FAT1: variants seen among roughly 807,000 people sequenced by gnomAD.
The protein encoded by FAT1 is FAT atypical cadherin 1.
A neutral mutation model predicts 329.8 loss-of-function variants in FAT1; 171 were observed. The observed-to-expected ratio is 0.52, with a 90% CI of 0.46 to 0.59. The LOEUF (loss-of-function observed/expected upper bound fraction) is 0.59. FAT1 is among the 20% of genes least tolerant of loss of function. FAT1 has a pLI of 0.00. For synonymous variants in FAT1, 2,233 were observed against 2,228.6 expected, an observed-to-expected ratio of 1.00 and a Z score of -0.06; for missense variants, 5,672 against 5,774.4, an observed-to-expected ratio of 0.98 and a Z score of 0.57.
rs770255321 is a variant in FAT1, at chr4:186,708,934, G to C, written c.894C>G (p.Asp298Glu). The stretch of plus-strand genomic sequence containing the variant: ...TCACTGTTCTAAACTGCTGGAGAAG[G>C]TCACCTGCCACGATGCTTAAAGATG... ...DIASLSIVAG[D>E]LLQQFRTVRS... Residue 298 changes from aspartate to glutamate, a missense_variant, in exon 2 of 27, where the codon GAC becomes GAG. Asp to Glu is a conservative substitution (Grantham distance 45). Transcript: ENST00000441802. The C allele has an allele frequency of 2.5e-6, 4 of 1,613,840 alleles. No homozygotes were observed. The African/African-American group carries it at 5.3e-5, about 22-fold the overall frequency.
intron 3 of FAT1, among the ~76,000 whole-genome samples, chr4:186,655,646 T>G (rs1741868560): frequency 6.6e-6 from 1 of 152,056 alleles, no homozygotes; most frequent in Admixed American, 6.5e-5. Context: ...TTGGCCAAGC[T>G]GGTCTCGAAC....
At chr4:186,683,241 A>T (rs9790767) in intron 2 of FAT1, among the ~76,000 whole-genome samples, 3,586 of 152,278 alleles carry the variant, frequency 0.024, 173 homozygotes, top group East Asian at 0.16. Context: ...TTTCCTCCAC[A>T]GCACCGCTCA....
At chr4:186,673,122 A>C (rs1742808353) in intron 2 of FAT1, among the ~76,000 whole-genome samples, 1 of 152,204 alleles carries the variant, frequency 6.6e-6, no homozygotes, top group South Asian at 2.1e-4. Flanking sequence ...GTTCAGAAAA[A>C]TTTTTTAAAC....
At position 186,604,723 on chromosome 4, in the gene FAT1, C is replaced by T. The variant is rs147069394; in HGVS notation, c.10351-149G>A. 3.1e-3 allele frequency: 1,664 copies of T among 535,142 alleles called. 38 individuals are homozygous for T. In the East Asian group the frequency reaches 0.045, roughly 15 times the overall value. 33.1% of individuals were successfully genotyped at this position (535,142 alleles called of 1,614,324 possible). On this transcript the variant is annotated intron_variant, in intron 17 of 26. Transcript: ENST00000441802. The stretch of plus-strand genomic sequence containing the variant: ...GAAAGGAAGAGAAGAAAGGTGGAGA[C>T]GGGAGTGTGGTGGTGAGGAGGAGGG...
intron 1 of FAT1, among the ~76,000 whole-genome samples, chr4:186,711,365 T>A (rs752890746): frequency 6.6e-6 from 1 of 152,198 alleles, no homozygotes; most frequent in African/African-American, 2.4e-5. Context: ...TTTTGGCTTC[T>A]AGGAGAACAA....
In FAT1 at chr4:186,679,717, C is replaced by G. The variant is rs907574894; in HGVS notation, c.3266-16104G>C. ...GGGTTCAAAAGGAAAAGCATGTTAT[C>G]AAGTCTACAGTTTAGAAGATGATTT... On this transcript the variant is annotated intron_variant, in intron 2 of 26. Coordinates refer to ENST00000441802, the MANE Select transcript of FAT1 (RefSeq NM_005245.4). Among the ~76,000 whole-genome samples the G allele has an allele frequency of 5.3e-5, 8 of 151,926 alleles. No homozygotes were observed. In the South Asian group the frequency reaches 8.3e-4, roughly 16 times the overall value.
At position 186,589,094 on chromosome 4, in the gene FAT1, G is replaced by A. The variant is rs1409256573; in HGVS notation, c.13265C>T (p.Thr4422Met). The change falls in exon 27 of 27, where the codon ACG becomes ATG. Residue 4422 changes from threonine to methionine, a missense_variant. Coordinates refer to ENST00000441802, the MANE Select transcript of FAT1 (RefSeq NM_005245.4). ...GTCGTAGCCTCCAGGGTAATAGTCC[G>A]TATCGATGGCGTTTGGATCTGCTGA... The part of the protein sequence containing the change: ...LYSADPNAID[T>M]DYYPGGYDIE... 13 of 1,613,954 alleles carry A rather than the reference G, an allele frequency of 8.1e-6. No homozygotes were observed. The highest frequency in any genetic ancestry group is 1.7e-5 in the Admixed American group (1 of 60,022).
chr4:186,659,070 A>AT (rs1178288370), intron 3 of FAT1, among the ~76,000 whole-genome samples: 7 of 152,302 alleles, frequency 4.6e-5, no homozygotes, highest in African/African-American at 1.4e-4. Context: ...TTAATACCAC[A>AT]TTTTTACTGC....
chr4:186,706,214 G>T (rs1231094993), intron 2 of FAT1, among the ~76,000 whole-genome samples: 2 of 152,172 alleles, frequency 1.3e-5, no homozygotes, highest in South Asian at 2.1e-4. Context: ...AAAAAAGTTG[G>T]AAAGACTTCT....
intron 3 of FAT1, among the ~76,000 whole-genome samples, chr4:186,648,195 G>T (rs754078412): frequency 6.6e-6 from 1 of 152,124 alleles, no homozygotes; most frequent in Non-Finnish European, 1.5e-5. Flanking sequence ...AGAGAGGAGG[G>T]AAGAGAGGAG....
chr4:186,698,444 G>C (rs1358736646), intron 2 of FAT1, among the ~76,000 whole-genome samples: 1 of 152,248 alleles, frequency 6.6e-6, no homozygotes, highest in Non-Finnish European at 1.5e-5. Context: ...TGACAATCTA[G>C]AGGAAAGGCG....
chr4:186,716,793 T>C (rs556938678), intron 1 of FAT1, among the ~76,000 whole-genome samples: 1 of 152,268 alleles, frequency 6.6e-6, no homozygotes, highest in African/African-American at 2.4e-5. Context: ...TTTGTTTGTT[T>C]GTTTGTTTTG....
chr4:186,626,719 A>G (rs80055485), intron 9 of FAT1, among the ~76,000 whole-genome samples: 84 of 140,180 alleles, frequency 6.0e-4, no homozygotes, highest in East Asian at 3.5e-3. Flanking sequence ...CAGCCCACAG[A>G]ATGAATGAAT....
chr4:186,704,169 T>TC (rs1744465965), intron 2 of FAT1, among the ~76,000 whole-genome samples: 1 of 152,220 alleles, frequency 6.6e-6, no homozygotes, highest in Non-Finnish European at 1.5e-5. Flanking sequence ...AGCTTCTCTC[T>TC]CACCTTTAAA....
intron 22 of FAT1, among the ~76,000 whole-genome samples, chr4:186,599,011 G>A (rs908745850): frequency 1.3e-5 from 2 of 152,158 alleles, no homozygotes; most frequent in Non-Finnish European, 2.9e-5. Context: ...TAGGAGCCAG[G>A]GCACAGCTGC....
chr4:186,666,920 C>G (rs1742467972), intron 2 of FAT1, among the ~76,000 whole-genome samples: 1 of 152,152 alleles, frequency 6.6e-6, no homozygotes, highest in Non-Finnish European at 1.5e-5. Flanking sequence ...ATCTTCAGCG[C>G]CAGCAATATC....
At position 186,606,138 on chromosome 4, in the gene FAT1, T is replaced by C; in HGVS notation, c.10282A>G (p.Ile3428Val). Residue 3428 changes from isoleucine (I) to valine (V), a missense_variant, in exon 17 of 27, where the codon ATC (isoleucine) becomes GTC (valine). Ile to Val is a conservative substitution (Grantham distance 29). This residue lies in a region of FAT1 where 1,706 missense variants were observed against 1,859.1 expected (regional missense o/e 0.92). Coordinates refer to ENST00000441802, the MANE Select transcript of FAT1 (RefSeq NM_005245.4). The stretch of plus-strand genomic sequence containing the variant: ...TTGTCATTGACATCGGACACATCGA[T>C]GTTCACGGTCGTCGTGTTGACTCTG... The part of the protein sequence containing the change: ...PPRVNTTTVN[I>V]DVSDVNDNAP... The C allele has an allele frequency of 6.2e-7, 1 of 1,613,482 alleles. No homozygotes were observed. The highest frequency in any genetic ancestry group is 1.1e-5 in the South Asian group (1 of 90,938).
At chr4:186,609,609 C>T (rs1328535104) in intron 15 of FAT1, among the ~76,000 whole-genome samples, 192 bp downstream of exon 15, 2 of 152,026 alleles carry the variant, frequency 1.3e-5, no homozygotes, top group East Asian at 3.9e-4. Flanking sequence ...TTAGTAGAGA[C>T]AGGGTTAGCT....
intron 2 of FAT1, among the ~76,000 whole-genome samples, chr4:186,674,116 C>T (rs1218962728): frequency 1.3e-5 from 2 of 152,208 alleles, no homozygotes; most frequent in African/African-American, 4.8e-5. Context: ...CTTATACGGA[C>T]TGGATGCAGA....
Sources: gnomAD v4.1 joint callset for allele counts (sites outside exome capture counted in the v4.1 genomes callset) on GRCh38, gnomAD v4.1.1 for gene constraint, gnomAD v4.1.1 regional missense constraint, MANE v1.5 for transcripts, NCBI Gene and HGNC (gene_info 2026-07-23, HGNC 2026-07-21) for gene names.